The following PIWIL4 variants were observed in gnomAD, a reference collection of about 807,000 sequenced individuals.
PIWIL4 encodes the protein piwi like RNA-mediated gene silencing 4.
In PIWIL4, 50 loss-of-function variants were observed where a neutral mutation model predicts 100.9. That is an observed-to-expected ratio of 0.50 (90% CI 0.39 to 0.63). The LOEUF (loss-of-function observed/expected upper bound fraction) is 0.63. Among genes scored for constraint, PIWIL4 ranks in the 20% least tolerant of loss-of-function variants. PIWIL4 has a pLI of 0.00. For missense variants in PIWIL4, 887 were observed against 1,043.3 expected (o/e 0.85, Z 2.06); for synonymous variants, 342 against 367.5 (o/e 0.93, Z 0.79).
chr11:94,589,713 A>G (rs1471313436), intron 8 of PIWIL4, among the ~76,000 whole-genome samples: 2 of 152,130 alleles, frequency 1.3e-5, no homozygotes, highest in African/African-American at 4.8e-5. Flanking sequence ...CTTCACAGCC[A>G]GACGAACACT....
chr11:94,597,586 T>C (rs1948573278), intron 10 of PIWIL4, among the ~76,000 whole-genome samples: 1 of 152,234 alleles, frequency 6.6e-6, no homozygotes, highest in Non-Finnish European at 1.5e-5. Context: ...GCTCGAAAGC[T>C]TATTTTTCTA....
At chr11:94,567,635 C>G (rs377104796) in intron 1 of PIWIL4, 30 bp downstream of exon 1, 4 of 1,555,778 alleles carry the variant, frequency 2.6e-6, no homozygotes, top group Non-Finnish European at 3.5e-6. Context: ...CGCATGGTTT[C>G]GTTTTCTCCT....
chr11:94,620,672 C>G (rs902631037), intron 19 of PIWIL4, among the ~76,000 whole-genome samples: 10 of 152,044 alleles, frequency 6.6e-5, no homozygotes, highest in African/African-American at 2.4e-4. Flanking sequence ...CACCATGAAG[C>G]CAGAGTGACT....
At chr11:94,598,522 G>C (rs112990010) in intron 11 of PIWIL4, among the ~76,000 whole-genome samples, 1 of 151,862 alleles carries the variant, frequency 6.6e-6, no homozygotes, top group Non-Finnish European at 1.5e-5. Flanking sequence ...AATATTTTAC[G>C]CAAAAATTAT....
At chr11:94,592,485 A>G (rs944434133) in intron 8 of PIWIL4, among the ~76,000 whole-genome samples, 1 of 152,238 alleles carries the variant, frequency 6.6e-6, no homozygotes, top group Non-Finnish European at 1.5e-5. Flanking sequence ...TCATGCATAC[A>G]AACTCACTTG....
rs755661473 is a variant in PIWIL4, at chr11:94,601,826, A to G, written c.1412A>G (p.Lys471Arg). 8 of 1,613,986 alleles carry G rather than the reference A, an allele frequency of 5.0e-6. No individual in the cohort carries two copies. In the South Asian group the frequency reaches 8.8e-5, roughly 18 times the overall value. ...CCTGTGTCTGCTGCTGACTGGTCCA[A>G]GGATATTCGAACTTGCAAGATTTTA... is the stretch of plus-strand genomic sequence containing the variant. ...CQPVSAADWS[K>R]DIRTCKILNA... The change falls in exon 12 of 20, where the codon AAG becomes AGG. Residue 471 changes from lysine (K) to arginine (R), a missense_variant. Physicochemically the swap from Lys to Arg is conservative, Grantham distance 26. Around this residue, in one of 2 missense-constraint regions of PIWIL4, gnomAD observed 741 missense variants for 930.0 expected, o/e 0.80. Transcript: ENST00000299001.
In PIWIL4 at chr11:94,597,943, A is replaced by G. The variant is rs189921280; in HGVS notation, c.1380+28A>G. ...AAGTGCTGTGATTTTATTTTCATTT[A>G]AAAGTATTTACTTGAATATGTGTAA... On this transcript the variant is annotated intron_variant, in intron 11 of 19. Coordinates refer to ENST00000299001, the MANE Select transcript of PIWIL4 (RefSeq NM_152431.3). 61 of 1,535,386 alleles carry G rather than the reference A, an allele frequency of 4.0e-5. 1 individual carries two copies. In the African/African-American group the frequency reaches 7.8e-4, roughly 20 times the overall value.
chr11:94,596,930 T>C (rs1326251673), intron 10 of PIWIL4, among the ~76,000 whole-genome samples: 3 of 152,110 alleles, frequency 2.0e-5, no homozygotes, highest in Non-Finnish European at 4.4e-5. Context: ...CCTAAAAAAA[T>C]TGGTAGAGCT....
At chr11:94,587,331 G>T in intron 7 of PIWIL4, 84 bp downstream of exon 7, 2 of 1,355,644 alleles carry the variant, frequency 1.5e-6, no homozygotes, top group Non-Finnish European at 1.0e-6. Flanking sequence ...TGGAGTATTG[G>T]CCCAATATCA....
intron 2 of PIWIL4, among the ~76,000 whole-genome samples, chr11:94,570,514 G>T (rs1344097380): frequency 6.6e-6 from 1 of 151,106 alleles, no homozygotes; most frequent in Admixed American, 6.6e-5. Flanking sequence ...CACCAAATAT[G>T]ATCACATTCT....
At chr11:94,587,639 A>G (rs774035387) in intron 7 of PIWIL4, among the ~76,000 whole-genome samples, 3 of 152,076 alleles carry the variant, frequency 2.0e-5, no homozygotes, top group African/African-American at 4.8e-5. Context: ...TGACACCTCC[A>G]TTTGCCTACT....
intron 2 of PIWIL4, among the ~76,000 whole-genome samples, chr11:94,571,532 G>A (rs192235261): frequency 3.7e-4 from 57 of 152,236 alleles, no homozygotes; most frequent in African/African-American, 1.0e-3. Context: ...GAGAACATGG[G>A]GTGTTTGGTT....
intron 11 of PIWIL4, among the ~76,000 whole-genome samples, chr11:94,600,035 G>C (rs1222768532): frequency 6.6e-6 from 1 of 152,110 alleles, no homozygotes; most frequent in African/African-American, 2.4e-5. Context: ...GTCCCTTTTA[G>C]TTCTAACAGT....
chr11:94,569,349 G>C (rs901430995), intron 2 of PIWIL4, among the ~76,000 whole-genome samples: 2 of 149,696 alleles, frequency 1.3e-5, no homozygotes, highest in Non-Finnish European at 3.0e-5. Context: ...GATGGAATTG[G>C]AGGCCATTAT....
rs1948647254 is a variant in PIWIL4 at position 94,601,903 on chromosome 11, T to C, written c.1489T>C (p.Tyr497His). The change falls in exon 12 of 20, where the codon TAT becomes CAT. Residue 497 changes from tyrosine to histidine, a missense_variant. Transcript: ENST00000299001. ...WLILCSDRTE[Y>H]VAESFLNCLR... Reference sequence around the variant, plus strand: ...GATTTTATGTAGCGACAGAACTGAATATGTTGCCGAGAGCTTTCTGAACTG... The same window carrying C: ...GATTTTATGTAGCGACAGAACTGAACATGTTGCCGAGAGCTTTCTGAACTG... 1 of 1,614,144 alleles carries C rather than the reference T, an allele frequency of 6.2e-7. No homozygotes were observed. Among genetic ancestry groups the C allele is most frequent in the African/African-American group, 1.3e-5 (1 of 75,044 alleles).
chr11:94,608,353 G>A, intron 14 of PIWIL4: 1 of 433,046 alleles, frequency 2.3e-6, no homozygotes. Flanking sequence ...GGTTATCTTG[G>A]ACGGTAGTGT....
At chr11:94,603,809 G>T (rs1948678611) in intron 12 of PIWIL4, among the ~76,000 whole-genome samples, 175 bp from the exon 13 acceptor site, 1 of 152,080 alleles carries the variant, frequency 6.6e-6, no homozygotes. Context: ...AAATGTTTTT[G>T]TCATATTTTG....
At chr11:94,575,985 A>G (rs1428307735) in intron 3 of PIWIL4, among the ~76,000 whole-genome samples, 1 of 152,188 alleles carries the variant, frequency 6.6e-6, no homozygotes. Flanking sequence ...AATAGCACGG[A>G]GATTTCTTGC....
rs757504439 is a variant in PIWIL4 at position 94,620,145 on chromosome 11, G to T, written c.2442+1G>T. 1.3e-6 allele frequency: 2 copies of T among 1,582,172 alleles called. No individual in the cohort carries two copies. The highest frequency in any genetic ancestry group is 4.5e-5 in the East Asian group (2 of 44,600). On this transcript the variant is annotated splice_donor_variant, in intron 19 of 19. Coordinates refer to ENST00000299001, the MANE Select transcript of PIWIL4 (RefSeq NM_152431.3). LOFTEE classifies it high-confidence loss of function. ...GTGCCACCTGTACTACAACTGGCCG[G>T]TGAGTGAAAGCTGTTTACTTAATGT...
Sources: allele counts gnomAD v4.1 joint callset (sites outside exome capture counted in the v4.1 genomes callset), GRCh38; gene constraint gnomAD v4.1.1; regional missense constraint gnomAD v4.1.1; transcripts MANE v1.5; gene names NCBI Gene and HGNC (gene_info 2026-07-23, HGNC 2026-07-21).